Variants in TPPP observed in about 807,000 individuals in gnomAD.
The protein encoded by TPPP is tubulin polymerization-promoting protein.
A neutral mutation model predicts 15.5 loss-of-function variants in TPPP; 6 were observed. The ratio of observed to expected loss-of-function variants is 0.39; its 90% confidence interval spans 0.21 to 0.77. The LOEUF is 0.77. TPPP is among the 30% of genes least tolerant of loss of function. TPPP has a pLI of 0.42. For missense variants in TPPP, 269 were observed against 307.2 expected (o/e 0.88, Z 0.93); for synonymous variants, 146 against 133.9 (o/e 1.09, Z -0.63).
intron 2 of TPPP, among the ~76,000 whole-genome samples, chr5:674,983 C>A (rs1740353382): frequency 7.3e-6 from 1 of 136,914 alleles, no homozygotes; most frequent in Non-Finnish European, 1.5e-5. Flanking sequence ...CACAAAGGAT[C>A]TGTGGCCGGG....
chr5:679,403 AGGATCCTGG>A lies in TPPP; in HGVS notation c.-4-1348_-4-1340del, dbSNP rs1561090210. Among the ~76,000 whole-genome samples the A allele has an allele frequency of 2.6e-3, 270 of 104,870 alleles. 1 individual carries two copies. Among genetic ancestry groups the A allele is most frequent in the African/African-American group, 0.01 (228 of 22,440 alleles). The allele number at this position is 104,870 out of a possible 152,430, so 68.8% of individuals were successfully genotyped here. On this transcript the variant is annotated intron_variant, in intron 1 of 3. Transcript: ENST00000360578. ...GGTGGGGGCTGGGCCGCGTGGGGGC[AGGATCCTGG>A]GGGTGGAAGGGCCGCCTGGGGGCAG...
chr5:677,970 G>A lies in TPPP; in HGVS notation c.91C>T (p.Leu31=), dbSNP rs757029406. 2.5e-6 allele frequency: 4 copies of A among 1,610,802 alleles called. No homozygotes were observed. Among genetic ancestry groups the A allele is most frequent in the Non-Finnish European group, 3.4e-6 (4 of 1,179,038 alleles). The part of the protein sequence containing the change: ...DPSKDRAAKR[L]SLESEGAGEG... Reference sequence around the variant, plus strand: ...CCAGCACCCTCCGATTCCAGCGACAGCCTCTTGGCTGCCCGGTCCTTCGAG... The same window carrying A: ...CCAGCACCCTCCGATTCCAGCGACAACCTCTTGGCTGCCCGGTCCTTCGAG... Residue 31 remains leucine (L), a synonymous_variant, in exon 2 of 4, where the codon CTG becomes TTG. Coordinates refer to ENST00000360578, the MANE Select transcript of TPPP (RefSeq NM_007030.3).
intron 1 of TPPP, chr5:692,514 A>G: frequency 3.6e-6 from 3 of 828,722 alleles, no homozygotes; most frequent in Non-Finnish European, 4.3e-6. Flanking sequence ...CAAAACCCTT[A>G]TCAAAACAGC....
chr5:693,432 C>CCCG (rs1740950893), upstream of TPPP: 2 of 147,896 alleles, frequency 1.4e-5, no homozygotes, highest in African/African-American at 4.9e-5. Flanking sequence ...CGCCCCCGGC[C>CCCG]CCCAGCGTCC....
Position 660,197 on chromosome 5 carries a change from T to G in TPPP, c.*4905A>C, listed in dbSNP as rs1054696311. ...ATGTTAATCACACAGTGTAAAAATA[T>G]ATTGCACATATATATATATATATAT... On this transcript the variant is annotated 3_prime_UTR_variant, in exon 4 of 4. Coordinates refer to ENST00000360578, the MANE Select transcript of TPPP (RefSeq NM_007030.3). The G allele has an allele frequency of 2.3e-5, 3 of 129,458 alleles. No individual in the cohort carries two copies. Among genetic ancestry groups the G allele is most frequent in the African/African-American group, 6.4e-5 (2 of 31,062 alleles). 8.0% of individuals were successfully genotyped at this position (129,458 alleles called of 1,614,324 possible).
At chr5:677,576 G>C (rs1314826060) in intron 2 of TPPP, among the ~76,000 whole-genome samples, 174 bp downstream of exon 2, 1 of 152,040 alleles carries the variant, frequency 6.6e-6, no homozygotes, top group Non-Finnish European at 1.5e-5. Context: ...CTCCCTGGGG[G>C]CCCAGATGGC....
At chr5:684,970 C>A (rs964646535) in intron 1 of TPPP, among the ~76,000 whole-genome samples, 1 of 152,224 alleles carries the variant, frequency 6.6e-6, no homozygotes, top group African/African-American at 2.4e-5. Flanking sequence ...ACACCCCACC[C>A]AGAGGCCAGA....
Position 664,907 on chromosome 5 carries a change from G to A in TPPP, c.*195C>T, listed in dbSNP as rs1739829677. 1.6e-6 allele frequency: 1 copy of A among 618,844 alleles called. No individual in the cohort carries two copies. Among genetic ancestry groups the A allele is most frequent in the African/African-American group, 1.8e-5 (1 of 54,146 alleles). The allele number at this position is 618,844 out of a possible 1,614,324, so 38.3% of individuals were successfully genotyped here. On this transcript the variant is annotated 3_prime_UTR_variant, in exon 4 of 4. Coordinates refer to ENST00000360578, the MANE Select transcript of TPPP (RefSeq NM_007030.3). ...GGTCAGCGAACTGGGGCCCAAACCTGGTTTGAGAGGGGAGTGCTGGGGGCA... is the reference window on the plus strand; with the variant it reads ...GGTCAGCGAACTGGGGCCCAAACCTAGTTTGAGAGGGGAGTGCTGGGGGCA...
At chr5:679,511 C>A (rs995578369) in intron 1 of TPPP, among the ~76,000 whole-genome samples, 4 of 151,892 alleles carry the variant, frequency 2.6e-5, no homozygotes, top group Admixed American at 2.6e-4. Context: ...GACACCATTT[C>A]TTTGTCTGAA....
At chr5:693,602 G>T (rs1263385972), upstream of TPPP, among the ~76,000 whole-genome samples, 2 of 151,744 alleles carry the variant, frequency 1.3e-5, no homozygotes, top group African/African-American at 4.8e-5. Flanking sequence ...CGCAGGGCGC[G>T]GCCGACCCGC....
chr5:693,830 T>G, upstream of TPPP, among the ~76,000 whole-genome samples: 1 of 148,946 alleles, frequency 6.7e-6, no homozygotes, highest in Non-Finnish European at 1.5e-5. Flanking sequence ...CCCAGTTCTT[T>G]AAGGAGCCGC....
At chr5:685,735 C>A (rs1298879502) in intron 1 of TPPP, among the ~76,000 whole-genome samples, 1 of 152,216 alleles carries the variant, frequency 6.6e-6, no homozygotes, top group African/African-American at 2.4e-5. Context: ...CCTTGCAGCG[C>A]CCAGCGTGGC....
chr5:684,405 G>A (rs779692451), intron 1 of TPPP, among the ~76,000 whole-genome samples: 2 of 152,206 alleles, frequency 1.3e-5, no homozygotes, highest in South Asian at 2.1e-4. Context: ...CTGGCCCCAA[G>A]CTGCCCACTG....
At chr5:696,412 T>A (rs1424416048), upstream of TPPP, among the ~76,000 whole-genome samples, 1 of 144,316 alleles carries the variant, frequency 6.9e-6, no homozygotes, top group Non-Finnish European at 1.6e-5. Flanking sequence ...ACCTGTCAGG[T>A]GTCCACCCAC....
At chr5:699,419 C>A in the TPPP span, among the ~76,000 whole-genome samples, 1 of 152,040 alleles carries the variant, frequency 6.6e-6, no homozygotes, top group Non-Finnish European at 1.5e-5. Flanking sequence ...TTGGCATATG[C>A]AGCAGAATGA....
intron 1 of TPPP, among the ~76,000 whole-genome samples, chr5:688,634 G>A (rs537407369): frequency 2.8e-3 from 428 of 150,456 alleles, no homozygotes; most frequent in Non-Finnish European, 4.3e-3. Flanking sequence ...CCCAGCAGGC[G>A]GCCTGGGGAC....
At chr5:669,357 C>T (rs531944434) in intron 2 of TPPP, among the ~76,000 whole-genome samples, 60 of 152,290 alleles carry the variant, frequency 3.9e-4, no homozygotes, top group Admixed American at 7.8e-4. Context: ...AGCCCCTTGA[C>T]GCGCTCGGCG....
chr5:695,674 G>A (rs893542406), upstream of TPPP, among the ~76,000 whole-genome samples: 4 of 151,886 alleles, frequency 2.6e-5, no homozygotes, highest in South Asian at 4.2e-4. Flanking sequence ...CTGTCCTCAC[G>A]GGGCCTCCTC....
At position 692,635 on chromosome 5, in the gene TPPP, G is replaced by A. The variant is rs922940037; in HGVS notation, c.-5+643C>T. 5 of 983,502 alleles carry A rather than the reference G, an allele frequency of 5.1e-6. No individual in the cohort carries two copies. The African/African-American group carries it at 7.0e-5, about 14-fold the overall frequency. The allele number at this position is 983,502 out of a possible 1,614,324, so 60.9% of individuals were successfully genotyped here. On this transcript the variant is annotated intron_variant, in intron 1 of 3. Transcript: ENST00000360578. ...CAGATCTTCGGGCGCTGCTCCCAGG[G>A]GTGCGGGAAGGTGTCCCGGCAGCGC...
Sources: allele counts gnomAD v4.1 joint callset (sites outside exome capture counted in the v4.1 genomes callset), GRCh38; gene constraint gnomAD v4.1.1; transcripts MANE v1.5; gene names NCBI Gene and HGNC (gene_info 2026-07-23, HGNC 2026-07-21).